The following IFNGR1 variants were observed in gnomAD, a reference collection of about 807,000 sequenced individuals.
IFNGR1 encodes interferon gamma receptor 1, also known as AVP, type 2.
In IFNGR1, 23 loss-of-function variants were observed where a neutral mutation model predicts 35.4. The observed-to-expected ratio is 0.65, with a 90% CI of 0.47 to 0.92. IFNGR1 has a LOEUF of 0.92. Ranked by LOEUF, IFNGR1 falls within the 40% of genes least tolerant of loss-of-function variation. The pLI is 0.00. For missense variants in IFNGR1, 533 were observed against 583.4 expected, an observed-to-expected ratio of 0.91 and a Z score of 0.89; for synonymous variants, 199 against 209.5, an observed-to-expected ratio of 0.95 and a Z score of 0.43.
intron 1 of IFNGR1, among the ~76,000 whole-genome samples, chr6:137,212,854 AAGAC>A (rs1244671443): frequency 3.3e-5 from 5 of 152,242 alleles, no homozygotes; most frequent in Non-Finnish European, 7.3e-5. Context: ...CTTTCAAAGC[AAGAC>A]AGACAGGTGG....
intron 6 of IFNGR1, among the ~76,000 whole-genome samples, chr6:137,199,888 A>T (rs1232774045): frequency 6.6e-6 from 1 of 151,806 alleles, no homozygotes; most frequent in Admixed American, 6.6e-5. Context: ...TATTTATGAA[A>T]TTATTTCCTT....
intron 3 of IFNGR1, among the ~76,000 whole-genome samples, chr6:137,205,643 G>T (rs1318273129): frequency 6.6e-6 from 1 of 152,142 alleles, no homozygotes; most frequent in Non-Finnish European, 1.5e-5. Flanking sequence ...GAAGGGCAAG[G>T]GTGGTGCAGG....
Position 137,214,066 on chromosome 6 carries a change from T to C in IFNGR1, c.85+5177A>G, listed in dbSNP as rs551850994. Reference sequence around the variant, plus strand: ...GATGAAGTAAACTGTTGTTCTGGATTCTAAGTCATCTGACACTACAACTCA... The same window carrying C: ...GATGAAGTAAACTGTTGTTCTGGATCCTAAGTCATCTGACACTACAACTCA... On this transcript the variant is annotated intron_variant, in intron 1 of 6. Transcript: ENST00000367739. 3.3e-5 allele frequency among the ~76,000 whole-genome samples: 5 copies of C among 152,310 alleles called. No individual in the cohort carries two copies. In the East Asian group the frequency reaches 9.6e-4, roughly 29 times the overall value.
intron 1 of IFNGR1, among the ~76,000 whole-genome samples, chr6:137,209,332 T>C (rs1336062701): frequency 6.6e-6 from 1 of 152,162 alleles, no homozygotes; most frequent in Non-Finnish European, 1.5e-5. Flanking sequence ...TTTTGAAATG[T>C]AAGGACATGA....
intron 1 of IFNGR1, chr6:137,215,148 GA>G (rs1246165527): frequency 7.8e-7 from 1 of 1,287,070 alleles, no homozygotes; most frequent in Non-Finnish European, 1.1e-6. Flanking sequence ...TTACCAATGA[GA>G]AAACAAAGGC....
In IFNGR1 at chr6:137,219,310, G is replaced by A; in HGVS notation, c.18C>T (p.Leu6=). The A allele has an allele frequency of 5.0e-6, 8 of 1,609,436 alleles. No homozygotes were observed. Among genetic ancestry groups the A allele is most frequent in the East Asian group, 2.2e-5 (1 of 44,672 alleles). ...TCACACCCTGCATGACAAGGGGTAG[G>A]AGAAAGAGGAGAGCCATGCTGCTAC... The part of the protein sequence containing the change: MALLF[L]LPLVMQGVSR... Residue 6 remains leucine, a synonymous_variant, in exon 1 of 7, where the codon CTC becomes CTT. Coordinates refer to ENST00000367739, the MANE Select transcript of IFNGR1 (RefSeq NM_000416.3).
intron 1 of IFNGR1, among the ~76,000 whole-genome samples, chr6:137,208,938 A>G (rs780211400): frequency 2.0e-5 from 3 of 152,172 alleles, no homozygotes; most frequent in Admixed American, 6.5e-5. Context: ...GCTGAGAGGG[A>G]GCCTGTACCC....
chr6:137,209,503 T>G lies in IFNGR1; in HGVS notation c.86-2426A>C, dbSNP rs760568837. ...GGTCTTTCCCATGCTAGTCTCGTGA[T>G]AGTGAGTAAGTCTCACGAGATCTGA... On this transcript the variant is annotated intron_variant, in intron 1 of 6. Transcript: ENST00000367739. Among the ~76,000 whole-genome samples, 8 of 152,320 alleles carry G rather than the reference T, an allele frequency of 5.3e-5. No homozygotes were observed. In the South Asian group the frequency reaches 1.7e-3, roughly 32 times the overall value.
chr6:137,203,424 A>G (rs1779337389), intron 5 of IFNGR1, 75 bp downstream of exon 5: 1 of 801,850 alleles, frequency 1.2e-6, no homozygotes, highest in East Asian at 2.5e-5. Context: ...ACTGCAAATG[A>G]GTTTGCTTTC....
chr6:137,210,802 T>C (rs1199359929), intron 1 of IFNGR1, among the ~76,000 whole-genome samples: 1 of 152,218 alleles, frequency 6.6e-6, no homozygotes, highest in Non-Finnish European at 1.5e-5. Flanking sequence ...CCTAAGATAT[T>C]TGCTTACTGC....
intron 1 of IFNGR1, among the ~76,000 whole-genome samples, chr6:137,207,867 A>T (rs1779479484): frequency 6.6e-6 from 1 of 152,230 alleles, no homozygotes; most frequent in Non-Finnish European, 1.5e-5. Context: ...TGTGGAAGCA[A>T]CTTTGGAACA....
chr6:137,209,168 C>A (rs1327733854), intron 1 of IFNGR1, among the ~76,000 whole-genome samples: 1 of 152,220 alleles, frequency 6.6e-6, no homozygotes, highest in Non-Finnish European at 1.5e-5. Flanking sequence ...TGTACCCACA[C>A]TGTATCTAGG....
Position 137,204,417 on chromosome 6 carries a change from C to T in IFNGR1, c.461G>A (p.Gly154Glu). Residue 154 changes from glycine (G) to glutamate (E), a missense_variant, in exon 4 of 7, where the codon GGA becomes GAA. Physicochemically the swap from Gly to Glu is moderately conservative, Grantham distance 98. Coordinates refer to ENST00000367739, the MANE Select transcript of IFNGR1 (RefSeq NM_000416.3). ...ATCATAATCGACTTCCTGCTCGTCT[C>T]CATTTACAAAAACTGAAGGGTGAAA... The part of the protein sequence containing the change: ...DIFHPSVFVN[G>E]DEQEVDYDPE... 6.2e-7 allele frequency: 1 copy of T among 1,613,854 alleles called. No homozygotes were observed.
intron 1 of IFNGR1, among the ~76,000 whole-genome samples, chr6:137,211,825 C>CA (rs1167806431): frequency 6.6e-6 from 1 of 152,196 alleles, no homozygotes; most frequent in Non-Finnish European, 1.5e-5. Flanking sequence ...CACCTGGGTT[C>CA]AATCAACATT....
At chr6:137,206,364 A>C in intron 2 of IFNGR1, 56 bp from the exon 3 acceptor site, 1 of 1,335,970 alleles carries the variant, frequency 7.5e-7, no homozygotes, top group Non-Finnish European at 1.1e-6. Flanking sequence ...ATAAACTCAA[A>C]CCATTTCTGT....
rs192953104 is a variant in IFNGR1 at position 137,214,374 on chromosome 6, C to T, written c.85+4869G>A. On this transcript the variant is annotated intron_variant, in intron 1 of 6. Transcript: ENST00000367739. The stretch of plus-strand genomic sequence containing the variant: ...AATGACTATTTTTCTTAATGCTTTC[C>T]AACTTTCACCGTAGCAAGGAGCCGC... Among the ~76,000 whole-genome samples the T allele has an allele frequency of 7.9e-5, 12 of 152,286 alleles. No homozygotes were observed. In the East Asian group the frequency reaches 2.1e-3, roughly 27 times the overall value.
chr6:137,218,664 A>G, intron 1 of IFNGR1: 1 of 363,848 alleles, frequency 2.7e-6, no homozygotes, highest in South Asian at 2.0e-5. Flanking sequence ...GCTGATCAGG[A>G]CACTCACAGT....
At chr6:137,214,723 C>T (rs1382637294) in intron 1 of IFNGR1, among the ~76,000 whole-genome samples, 15 of 152,172 alleles carry the variant, frequency 9.9e-5, no homozygotes, top group Admixed American at 9.8e-4. Context: ...CCAATCTAGT[C>T]CCTGAGAGAA....
At position 137,199,147 on chromosome 6, in the gene IFNGR1, A is replaced by G. The variant is rs1432156410; in HGVS notation, c.862-508T>C. 5.3e-5 allele frequency among the ~76,000 whole-genome samples: 8 copies of G among 151,568 alleles called. No individual in the cohort carries two copies. The South Asian group carries it at 1.5e-3, about 28-fold the overall frequency. On this transcript the variant is annotated intron_variant, in intron 6 of 6. Coordinates refer to ENST00000367739, the MANE Select transcript of IFNGR1 (RefSeq NM_000416.3). The stretch of plus-strand genomic sequence containing the variant: ...TGCTGAATGCTTCCTGCCCTTGAAC[A>G]TCGGACTCTGAATTCTTCAAGTTTG...
Sources: gnomAD v4.1 joint callset for allele counts (sites outside exome capture counted in the v4.1 genomes callset) on GRCh38, gnomAD v4.1.1 for gene constraint, MANE v1.5 for transcripts, NCBI Gene and HGNC (gene_info 2026-07-23, HGNC 2026-07-21) for gene names.